Variants in SNX29 observed in about 807,000 individuals in gnomAD.
SNX29 encodes sorting nexin 29.
Under a neutral mutation model 102.1 loss-of-function variants are expected in SNX29, and 78 were observed. That is an observed-to-expected ratio of 0.76 (90% CI 0.64 to 0.92). SNX29 has a LOEUF of 0.92. SNX29 is among the 40% of genes least tolerant of loss of function. The pLI is 0.00. For missense variants in SNX29, 1,280 were observed against 1,061.7 expected (o/e 1.21, Z -2.86); for synonymous variants, 580 against 414.5 (o/e 1.40, Z -4.85).
intron 19 of SNX29, among the ~76,000 whole-genome samples, chr16:12,523,449 A>G (rs1053244967): frequency 6.6e-6 from 1 of 152,194 alleles, no homozygotes; most frequent in African/African-American, 2.4e-5. Context: ...ACGGTCTCAG[A>G]GAAAGCCTTG....
chr16:12,515,235 G>A (rs771161782), intron 19 of SNX29, among the ~76,000 whole-genome samples: 2 of 152,166 alleles, frequency 1.3e-5, no homozygotes, highest in Non-Finnish European at 2.9e-5. Context: ...TTGTCACACT[G>A]TTTTGTAATG....
intron 20 of SNX29, among the ~76,000 whole-genome samples, chr16:12,537,763 T>A (rs1422161339): frequency 6.6e-6 from 1 of 152,076 alleles, no homozygotes. Context: ...TATGTGGGGT[T>A]TGTTTAAACA....
chr16:12,229,433 G>T (rs915120967), intron 14 of SNX29, among the ~76,000 whole-genome samples: 2 of 152,122 alleles, frequency 1.3e-5, no homozygotes, highest in Non-Finnish European at 2.9e-5. Context: ...GAAAAAGAGT[G>T]GTTTCATCTC....
chr16:12,322,302 T>C (rs954163974), intron 15 of SNX29, among the ~76,000 whole-genome samples: 1 of 152,072 alleles, frequency 6.6e-6, no homozygotes, highest in Non-Finnish European at 1.5e-5. Context: ...CAGAACTGCA[T>C]AGGGTCTCTG....
intron 18 of SNX29, among the ~76,000 whole-genome samples, 176 bp downstream of exon 18, chr16:12,403,705 T>C (rs1597254343): frequency 6.6e-6 from 1 of 152,188 alleles, no homozygotes; most frequent in Non-Finnish European, 1.5e-5. Context: ...TGGCTTTCAG[T>C]TGGGCAGGGG....
intron 14 of SNX29, among the ~76,000 whole-genome samples, chr16:12,255,341 A>G (rs1254033915): frequency 2.6e-5 from 4 of 151,486 alleles, no homozygotes; most frequent in African/African-American, 9.8e-5. Context: ...GATTACAGGC[A>G]CCCACCACCA....
At chr16:12,267,727 T>C (rs547770701) in intron 14 of SNX29, among the ~76,000 whole-genome samples, 41 of 152,196 alleles carry the variant, frequency 2.7e-4, no homozygotes, top group Non-Finnish European at 4.3e-4. Flanking sequence ...CGGCAAGTTA[T>C]CTTTTGGAGG....
chr16:12,454,765 G>C (rs2086462437), intron 18 of SNX29, among the ~76,000 whole-genome samples: 1 of 151,958 alleles, frequency 6.6e-6, no homozygotes, highest in African/African-American at 2.4e-5. Flanking sequence ...TGTCACCCAG[G>C]CTGGAGTGCA....
Position 12,244,325 on chromosome 16 carries a change from C to G in SNX29, c.1679-33608C>G, listed in dbSNP as rs547550191. ...CTGTTTTTTCCTTGATAAAATCATA[C>G]AAGCCAGGCACGATGGTTCACATCT... is the stretch of plus-strand genomic sequence containing the variant. On this transcript the variant is annotated intron_variant, in intron 14 of 20. Coordinates refer to ENST00000566228, the MANE Select transcript of SNX29 (RefSeq NM_032167.5). Among the ~76,000 whole-genome samples the G allele has an allele frequency of 8.1e-4, 123 of 152,264 alleles. 6 individuals are homozygous for G. In the South Asian group the frequency reaches 0.022, roughly 27 times the overall value.
At chr16:12,490,187 C>T (rs1274086050) in intron 19 of SNX29, among the ~76,000 whole-genome samples, 2 of 152,178 alleles carry the variant, frequency 1.3e-5, no homozygotes, top group Non-Finnish European at 1.5e-5. Flanking sequence ...AAAATGAACA[C>T]ACCTAGGCAA....
chr16:12,512,374 A>G, intron 19 of SNX29, among the ~76,000 whole-genome samples: 2 of 9,804 alleles, frequency 2.0e-4, no homozygotes, highest in Non-Finnish European at 1.8e-4. Context: ...GGGAAAATAT[A>G]TATATATATA....
chr16:12,080,395 C>T lies in SNX29; in HGVS notation c.1402+1480C>T, dbSNP rs556104979. On this transcript the variant is annotated intron_variant, in intron 11 of 20. Transcript: ENST00000566228. ...TGTGGTTTACTGTGGCGCTGCTCAG[C>T]CCTGAACTCCGCTGAGCAGGTGTTA... Among the ~76,000 whole-genome samples, 2 of 152,282 alleles carry T rather than the reference C, an allele frequency of 1.3e-5. 1 individual carries two copies. Among genetic ancestry groups the T allele is most frequent in the African/African-American group, 4.8e-5 (2 of 41,558 alleles).
intron 20 of SNX29, among the ~76,000 whole-genome samples, chr16:12,552,812 G>A (rs920682107): frequency 1.3e-5 from 2 of 152,182 alleles, no homozygotes; most frequent in African/African-American, 4.8e-5. Flanking sequence ...GGAGAGAACA[G>A]CCAACAGTGT....
At chr16:12,167,492 C>G (rs966420005) in intron 13 of SNX29, among the ~76,000 whole-genome samples, 3 of 152,200 alleles carry the variant, frequency 2.0e-5, no homozygotes, top group Non-Finnish European at 4.4e-5. Flanking sequence ...CCACCACCAC[C>G]ATCATCAATA....
intron 16 of SNX29, among the ~76,000 whole-genome samples, chr16:12,361,703 T>C (rs2082304256): frequency 6.6e-6 from 1 of 152,230 alleles, no homozygotes; most frequent in Non-Finnish European, 1.5e-5. Flanking sequence ...TTAAACTTTT[T>C]TTCATATTAT....
At chr16:12,551,575 C>G (rs892280232) in intron 20 of SNX29, among the ~76,000 whole-genome samples, 1 of 152,194 alleles carries the variant, frequency 6.6e-6, no homozygotes, top group African/African-American at 2.4e-5. Context: ...GCCCTGCTTT[C>G]AAAAGGCTGG....
intron 18 of SNX29, among the ~76,000 whole-genome samples, chr16:12,408,161 A>AAAAC (rs541045540): frequency 1.1e-4 from 17 of 151,026 alleles, no homozygotes; most frequent in Non-Finnish European, 2.1e-4. Context: ...CCTTCTCAAA[A>AAAAC]AAACAAACAA....
intron 3 of SNX29, among the ~76,000 whole-genome samples, chr16:12,024,967 G>A (rs1310580911): frequency 6.6e-6 from 1 of 152,070 alleles, no homozygotes; most frequent in Non-Finnish European, 1.5e-5. Flanking sequence ...GGTATTTAGA[G>A]AGTTTTGGTG....
intron 11 of SNX29, among the ~76,000 whole-genome samples, chr16:12,085,821 A>G (rs574626811): frequency 6.6e-6 from 1 of 152,204 alleles, no homozygotes; most frequent in East Asian, 1.9e-4. Context: ...GGTGTAGGTT[A>G]TATTATTCTC....
Sources: allele counts gnomAD v4.1 joint callset (sites outside exome capture counted in the v4.1 genomes callset), GRCh38; gene constraint gnomAD v4.1.1; transcripts MANE v1.5; gene names NCBI Gene and HGNC (gene_info 2026-07-23, HGNC 2026-07-21).